Variants in C2CD3 observed in about 807,000 individuals in gnomAD.
C2CD3 encodes C2 domain-containing protein 3.
In C2CD3, 148 loss-of-function variants were observed where a neutral mutation model predicts 234.0. The observed-to-expected ratio is 0.63, with a 90% CI of 0.55 to 0.72. The LOEUF is 0.72. Among genes scored for constraint, C2CD3 ranks in the 30% least tolerant of loss-of-function variants. C2CD3 has a pLI of 0.00. For synonymous variants in C2CD3, 1,000 were observed against 1,035.4 expected, an observed-to-expected ratio of 0.97 and a Z score of 0.66; for missense variants, 2,577 against 2,811.5, an observed-to-expected ratio of 0.92 and a Z score of 1.89.
At chr11:74,036,472 A>G (rs1204153173) in intron 30 of C2CD3, 1 of 456,080 alleles carries the variant, frequency 2.2e-6, no homozygotes. Context: ...ATGGATACCA[A>G]CAGGTTAGGT....
chr11:74,087,426 G>A (rs1297490312), intron 20 of C2CD3, among the ~76,000 whole-genome samples: 4 of 152,008 alleles, frequency 2.6e-5, no homozygotes, highest in Non-Finnish European at 4.4e-5. Flanking sequence ...TTAGCCGGGC[G>A]TGGTGGCGGG....
Position 74,143,822 on chromosome 11 carries a change from T to G in C2CD3, c.484-3994A>C, listed in dbSNP as rs560645304. 1.9e-4 allele frequency among the ~76,000 whole-genome samples: 29 copies of G among 152,266 alleles called. 1 individual carries two copies. Among genetic ancestry groups the G allele is most frequent in the Admixed American group, 1.8e-3 (28 of 15,296 alleles). On this transcript the variant is annotated intron_variant, in intron 3 of 32. Coordinates refer to ENST00000334126, the MANE Select transcript of C2CD3 (RefSeq NM_001286577.2). ...AAAATAACTGTTTTCTCCTTTATGT[T>G]TGGAAGAATTTGCCAGTAAAGTGAT...
intron 24 of C2CD3, among the ~76,000 whole-genome samples, chr11:74,065,524 A>G (rs938065127): frequency 2.6e-5 from 4 of 152,186 alleles, no homozygotes; most frequent in African/African-American, 4.8e-5. Flanking sequence ...AAGGATCTAG[A>G]ACTAGAAATA....
Position 74,033,437 on chromosome 11 carries a change from A to G in C2CD3, c.6723T>C (p.His2241=). Residue 2241 remains histidine, a synonymous_variant, in exon 31 of 33, where the codon CAT becomes CAC. Coordinates refer to ENST00000334126, the MANE Select transcript of C2CD3 (RefSeq NM_001286577.2). ...NLASQSRREN[H]KGPPIDSSDI... ...CAGAGGAGTCGATGGGTGGTCCCTT[A>G]TGGTTTTCCCTTCTGCTCTGGGAGG... 2.0e-6 allele frequency: 3 copies of G among 1,536,068 alleles called. No individual in the cohort carries two copies. The highest frequency in any genetic ancestry group is 2.6e-6 in the Non-Finnish European group (3 of 1,146,894).
chr11:74,059,833 G>A (rs1385041759), intron 24 of C2CD3, among the ~76,000 whole-genome samples: 1 of 152,072 alleles, frequency 6.6e-6, no homozygotes, highest in African/African-American at 2.4e-5. Context: ...GCCTCACCCA[G>A]GAAGCACAAG....
chr11:74,059,981 G>A (rs567843529), intron 24 of C2CD3, among the ~76,000 whole-genome samples: 2 of 152,316 alleles, frequency 1.3e-5, no homozygotes, highest in South Asian at 2.1e-4. Context: ...TCCCGCGCCT[G>A]GCTTGGAGGG....
At chr11:74,037,256 G>A (rs1471104725) in intron 30 of C2CD3, among the ~76,000 whole-genome samples, 1 of 151,730 alleles carries the variant, frequency 6.6e-6, no homozygotes, top group Non-Finnish European at 1.5e-5. Context: ...TCAAGGACCT[G>A]GGTCAGTCCA....
At chr11:74,121,907 C>T (rs771337420) in intron 8 of C2CD3, among the ~76,000 whole-genome samples, 5 of 152,190 alleles carry the variant, frequency 3.3e-5, no homozygotes, top group Non-Finnish European at 5.9e-5. Flanking sequence ...AATTCCACTG[C>T]AGGTACTCTC....
At chr11:74,027,438 T>C (rs192943843) in intron 32 of C2CD3, among the ~76,000 whole-genome samples, 7 of 152,276 alleles carry the variant, frequency 4.6e-5, no homozygotes, top group Non-Finnish European at 8.8e-5. Flanking sequence ...GGCATAATGA[T>C]AGTATATTCC....
chr11:74,129,456 C>T (rs1957558932), intron 7 of C2CD3: 2 of 181,028 alleles, frequency 1.1e-5, no homozygotes, highest in Non-Finnish European at 2.3e-5. Flanking sequence ...GGCAGAGGCG[C>T]TCCCCACATC....
intron 3 of C2CD3, among the ~76,000 whole-genome samples, chr11:74,152,533 C>G (rs1211646031): frequency 2.0e-5 from 3 of 152,126 alleles, no homozygotes; most frequent in Non-Finnish European, 4.4e-5. Flanking sequence ...TCATTTTATG[C>G]CAGCATTACC....
chr11:74,088,008 A>G (rs1423175192), intron 20 of C2CD3, among the ~76,000 whole-genome samples: 1 of 152,194 alleles, frequency 6.6e-6, no homozygotes, highest in Admixed American at 6.5e-5. Context: ...TTTCTTGATG[A>G]GAGAAGACTA....
intron 24 of C2CD3, chr11:74,070,665 A>C: frequency 6.6e-6 from 1 of 152,140 alleles, no homozygotes; most frequent in East Asian, 1.9e-4. Context: ...TGGTCAACAA[A>C]TATGACCTTG....
intron 32 of C2CD3, among the ~76,000 whole-genome samples, chr11:74,018,982 A>G (rs1277722407): frequency 6.6e-6 from 1 of 152,184 alleles, no homozygotes; most frequent in Non-Finnish European, 1.5e-5. Flanking sequence ...TACAGGGCCT[A>G]CGTCACTCCC....
chr11:74,021,598 T>C (rs1031076546), intron 32 of C2CD3, among the ~76,000 whole-genome samples: 1 of 152,058 alleles, frequency 6.6e-6, no homozygotes, highest in Non-Finnish European at 1.5e-5. Context: ...TAGAAATAAG[T>C]GAAGAAAGTG....
chr11:74,150,508 AAAAAAAACAAAAAAAAAAC>A lies in C2CD3; in HGVS notation c.484-10699_484-10681del, dbSNP rs1565348091. Among the ~76,000 whole-genome samples the A allele has an allele frequency of 4.2e-4, 32 of 76,216 alleles. 1 individual carries two copies. Among genetic ancestry groups the A allele is most frequent in the Non-Finnish European group, 3.9e-4 (15 of 38,404 alleles). 50.0% of individuals were successfully genotyped at this position (76,216 alleles called of 152,430 possible). A position where few individuals can be genotyped will look rare whatever the true frequency, so the allele number is the denominator to read the frequency against. On this transcript the variant is annotated intron_variant, in intron 3 of 32. Coordinates refer to ENST00000334126, the MANE Select transcript of C2CD3 (RefSeq NM_001286577.2). ...ACCCTGTCTCAAAAAAAAAAAAAAA[AAAAAAAACAAAAAAAAAAC>A]AAAACAAATTTCTAAGCTTTTTAAA...
chr11:74,049,272 G>A, intron 27 of C2CD3, 65 bp downstream of exon 27: 3 of 1,357,592 alleles, frequency 2.2e-6, no homozygotes, highest in South Asian at 2.4e-5. Flanking sequence ...CCAAACATGA[G>A]TAAAGGATGT....
In C2CD3 at chr11:74,034,162, G is replaced by A. The variant is rs990243491; in HGVS notation, c.5998C>T (p.Arg2000Ter). 9 of 1,536,088 alleles carry A rather than the reference G, an allele frequency of 5.9e-6. No homozygotes were observed. Among genetic ancestry groups the A allele is most frequent in the African/African-American group, 4.1e-5 (3 of 73,016 alleles). Residue 2000 changes from arginine (R) to a stop codon, truncating the protein, a stop_gained, in exon 31 of 33, where the codon CGA becomes TGA. Coordinates refer to ENST00000334126, the MANE Select transcript of C2CD3 (RefSeq NM_001286577.2). LOFTEE classifies it high-confidence loss of function. The part of the protein sequence containing the change: ...DAQDTEALQE[R>*]CTMPDEPLVR... Reference sequence around the variant, plus strand: ...AATGGCTCATCTGGCATTGTGCATCGTTCTTGCAGTGCTTCTGTGTCCTGA... The same window carrying A: ...AATGGCTCATCTGGCATTGTGCATCATTCTTGCAGTGCTTCTGTGTCCTGA...
intron 32 of C2CD3, among the ~76,000 whole-genome samples, chr11:74,020,064 T>C (rs1166886486): frequency 6.6e-6 from 1 of 152,192 alleles, no homozygotes; most frequent in Non-Finnish European, 1.5e-5. Context: ...CTACACTCAC[T>C]CCTTATGAAT....
Sources: gnomAD v4.1 joint callset for allele counts (sites outside exome capture counted in the v4.1 genomes callset) on GRCh38, gnomAD v4.1.1 for gene constraint, MANE v1.5 for transcripts, NCBI Gene and HGNC (gene_info 2026-07-23, HGNC 2026-07-21) for gene names.